The following CEP43 variants were observed in gnomAD, a reference collection of about 807,000 sequenced individuals.
The protein encoded by CEP43 is FGFR1 oncogene partner.
In CEP43, 36 loss-of-function variants were observed where a neutral mutation model predicts 52.6. That is an observed-to-expected ratio of 0.68 (90% CI 0.52 to 0.90). The LOEUF is 0.90. CEP43 is among the 40% of genes least tolerant of loss of function. The probability of loss-of-function intolerance (pLI) is 0.00; values close to 1 mark genes in which losing one functional copy is unlikely to be tolerated. For missense variants in CEP43, 506 were observed against 472.8 expected (o/e 1.07, Z -0.65); for synonymous variants, 192 against 172.4 (o/e 1.11, Z -0.89).
chr6:167,011,289 G>T (rs80244546), intron 6 of CEP43, among the ~76,000 whole-genome samples: 1 of 152,106 alleles, frequency 6.6e-6, no homozygotes, highest in Non-Finnish European at 1.5e-5. Flanking sequence ...TTCTAGATGG[G>T]TGATGAGATT....
At position 167,041,844 on chromosome 6, in the gene CEP43, G is replaced by GGGGGGCCC; in HGVS notation, c.*1866_*1867insGGGGGCCC. ...TCTTTTTTTTGCGGGGGGCGGGGGG[G>GGGGGGCCC]ACAGAGTCTCACTGTGTCACTCAGA... On this transcript the variant is annotated 3_prime_UTR_variant, in exon 13 of 13. Transcript: ENST00000366847. 1 of 144,932 alleles carries GGGGGGCCC rather than the reference G, an allele frequency of 6.9e-6. No individual in the cohort carries two copies. Among genetic ancestry groups the GGGGGGCCC allele is most frequent in the African/African-American group, 3.0e-5 (1 of 33,206 alleles). The allele number at this position is 144,932 out of a possible 1,614,324, so 9.0% of individuals were successfully genotyped here. A position where few individuals can be genotyped will look rare whatever the true frequency, so the allele number is the denominator to read the frequency against.
At chr6:167,019,656 T>C (rs970071869) in intron 7 of CEP43, among the ~76,000 whole-genome samples, 9 of 152,356 alleles carry the variant, frequency 5.9e-5, no homozygotes, top group Middle Eastern at 6.8e-3. Context: ...AATTCTGTTA[T>C]GTTTACAAGT....
rs1780826912 is a variant in CEP43 at position 167,048,221 on chromosome 6, C to T, written c.*8243C>T. On this transcript the variant is annotated 3_prime_UTR_variant, in exon 13 of 13. Coordinates refer to ENST00000366847, the MANE Select transcript of CEP43 (RefSeq NM_007045.4). ...TAGCCTGGGCAACATAGTAAGACCC[C>T]TATCTCTACAAAAAATATAAAAATT... is the stretch of plus-strand genomic sequence containing the variant. 6.6e-6 allele frequency: 1 copy of T among 152,172 alleles called. No individual in the cohort carries two copies. Among genetic ancestry groups the T allele is most frequent in the South Asian group, 2.1e-4 (1 of 4,830 alleles). The allele number at this position is 152,172 out of a possible 1,614,324, so 9.4% of individuals were successfully genotyped here.
At position 167,047,249 on chromosome 6, in the gene CEP43, A is replaced by T. The variant is rs911865215; in HGVS notation, c.*7271A>T. ...GAGGGAGGAGCACAGGCCACCCTAG[A>T]CAGGAGGGGTCCCCTACTGACAGGG... is the stretch of plus-strand genomic sequence containing the variant. On this transcript the variant is annotated 3_prime_UTR_variant, in exon 13 of 13. Transcript: ENST00000366847. 3 of 152,192 alleles carry T rather than the reference A, an allele frequency of 2.0e-5. No individual in the cohort carries two copies. The East Asian group carries it at 5.8e-4, about 29-fold the overall frequency. 9.4% of individuals were successfully genotyped at this position (152,192 alleles called of 1,614,324 possible).
chr6:167,035,996 A>G (rs1292693083), intron 12 of CEP43: 10 of 916,032 alleles, frequency 1.1e-5, no homozygotes, highest in Non-Finnish European at 1.3e-5. Flanking sequence ...AATAAATGGT[A>G]TCTAATACTA....
chr6:167,006,310 A>T (rs890211480), intron 5 of CEP43, among the ~76,000 whole-genome samples: 5 of 152,108 alleles, frequency 3.3e-5, no homozygotes, highest in Non-Finnish European at 7.4e-5. Context: ...AAGTCAAGAG[A>T]TGGAGACCAT....
At position 167,041,069 on chromosome 6, in the gene CEP43, A is replaced by T. The variant is rs1583296260; in HGVS notation, c.*1091A>T. ...CATATTTATATATAAGTAAAGCAGG[A>T]TTGTGCTGTTTTTGCACTTTATAAT... is the stretch of plus-strand genomic sequence containing the variant. On this transcript the variant is annotated 3_prime_UTR_variant, in exon 13 of 13. Coordinates refer to ENST00000366847, the MANE Select transcript of CEP43 (RefSeq NM_007045.4). The T allele has an allele frequency of 9.7e-7, 1 of 1,035,708 alleles. No individual in the cohort carries two copies. The highest frequency in any genetic ancestry group is 1.7e-5 in the African/African-American group (1 of 59,574). 64.2% of individuals were successfully genotyped at this position (1,035,708 alleles called of 1,614,324 possible). A position where few individuals can be genotyped will look rare whatever the true frequency, so the allele number is the denominator to read the frequency against.
At position 167,024,977 on chromosome 6, in the gene CEP43, T is replaced by C. The variant is rs192661051; in HGVS notation, c.919+83T>C. On this transcript the variant is annotated intron_variant, in intron 9 of 12. Coordinates refer to ENST00000366847, the MANE Select transcript of CEP43 (RefSeq NM_007045.4). ...CTATGTGATTATTGTTGATTTTTTT[T>C]CCCAGGAAAATCACTAAAATAACCT... 2.7e-3 allele frequency: 2,096 copies of C among 787,156 alleles called. 16 individuals are homozygous for C. The African/African-American group carries it at 0.029, about 11-fold the overall frequency. The allele number at this position is 787,156 out of a possible 1,614,324, so 48.8% of individuals were successfully genotyped here.
intron 3 of CEP43, chr6:167,003,489 A>C: frequency 1.9e-6 from 1 of 516,342 alleles, no homozygotes; most frequent in Non-Finnish European, 3.4e-6. Flanking sequence ...AAAGCGAAAC[A>C]CTGAAATCTA....
chr6:167,011,256 AATATT>A (rs141049863), intron 6 of CEP43, among the ~76,000 whole-genome samples: 2,869 of 152,318 alleles, frequency 0.019, 46 homozygotes, highest in East Asian at 0.091. Context: ...TATAGGATAT[AATATT>A]GAATGAATAT....
Position 167,010,867 on chromosome 6 carries a change from A to G in CEP43, c.493A>G (p.Thr165Ala). The G allele has an allele frequency of 1.2e-6, 2 of 1,600,466 alleles. No homozygotes were observed. The highest frequency in any genetic ancestry group is 1.1e-5 in the South Asian group (1 of 88,686). ...HSPPKSPEGK[T>A]SAQTTPSKIP... ...TCCACCAAAGTCACCAGAGGGAAAA[A>G]CAAGTGCACAGACAACACCAAGTAA... Residue 165 changes from threonine to alanine, a missense_variant, in exon 6 of 13, where the codon ACA becomes GCA. Physicochemically the swap from Thr to Ala is moderately conservative, Grantham distance 58. Transcript: ENST00000366847.
At position 167,041,897 on chromosome 6, in the gene CEP43, C is replaced by A; in HGVS notation, c.*1919C>A. The A allele has an allele frequency of 1.4e-6, 1 of 731,750 alleles. No individual in the cohort carries two copies. Among genetic ancestry groups the A allele is most frequent in the Non-Finnish European group, 1.7e-6 (1 of 591,224 alleles). The allele number at this position is 731,750 out of a possible 1,614,324, so 45.3% of individuals were successfully genotyped here. Reference sequence around the variant, plus strand: ...GGAGTACAGTGATGCGATCTCGGCTCACTGCAACCTCCGCCTCCTGGGTTC... The same window carrying A: ...GGAGTACAGTGATGCGATCTCGGCTAACTGCAACCTCCGCCTCCTGGGTTC... On this transcript the variant is annotated 3_prime_UTR_variant, in exon 13 of 13. Transcript: ENST00000366847.
chr6:167,000,194 T>A lies in CEP43; in HGVS notation c.156+81T>A, dbSNP rs565242711. On this transcript the variant is annotated intron_variant, in intron 2 of 12. Transcript: ENST00000366847. The stretch of plus-strand genomic sequence containing the variant: ...TCATTAAAAACCGTCTTAAAAATAG[T>A]TTATAGTAACATATAGCTAGGGATA... 7 of 1,118,574 alleles carry A rather than the reference T, an allele frequency of 6.3e-6. No individual in the cohort carries two copies. The East Asian group carries it at 1.7e-4, about 27-fold the overall frequency. The allele number at this position is 1,118,574 out of a possible 1,614,324, so 69.3% of individuals were successfully genotyped here. A position where few individuals can be genotyped will look rare whatever the true frequency, so the allele number is the denominator to read the frequency against.
At chr6:167,019,757 C>G (rs1046410178) in intron 7 of CEP43, among the ~76,000 whole-genome samples, 3 of 152,094 alleles carry the variant, frequency 2.0e-5, no homozygotes, top group Non-Finnish European at 4.4e-5. Flanking sequence ...TTGGTCAAAC[C>G]TGTCAAATAA....
At chr6:167,004,441 T>G (rs747089586) in intron 5 of CEP43, 40 bp downstream of exon 5, 1 of 1,546,144 alleles carries the variant, frequency 6.5e-7, no homozygotes, top group Non-Finnish European at 8.7e-7. Context: ...ATTTTAATTA[T>G]TGGCTGCTTA....
At chr6:167,021,194 AG>A (rs1164010082) in intron 7 of CEP43, among the ~76,000 whole-genome samples, 3 of 152,038 alleles carry the variant, frequency 2.0e-5, no homozygotes, top group African/African-American at 7.2e-5. Flanking sequence ...TGCTCTCTTT[AG>A]TATGCAAGGC....
intron 10 of CEP43, chr6:167,028,468 G>T (rs1255764266): frequency 2.0e-6 from 2 of 985,150 alleles, no homozygotes; most frequent in African/African-American, 3.5e-5. Flanking sequence ...TAGGCATTAG[G>T]ATTCAGTAGA....
rs901385638 is a variant in CEP43 at position 167,048,932 on chromosome 6, A to T, written c.*8954A>T. 1 of 152,240 alleles carries T rather than the reference A, an allele frequency of 6.6e-6. No homozygotes were observed. Among genetic ancestry groups the T allele is most frequent in the Non-Finnish European group, 1.5e-5 (1 of 68,042 alleles). 9.4% of individuals were successfully genotyped at this position (152,240 alleles called of 1,614,324 possible). A position where few individuals can be genotyped will look rare whatever the true frequency, so the allele number is the denominator to read the frequency against. ...AATTCTAGTACTTTCATGACATTTT[A>T]AAAAAGGGATTGTAAAGACTGATGA... On this transcript the variant is annotated 3_prime_UTR_variant, in exon 13 of 13. Coordinates refer to ENST00000366847, the MANE Select transcript of CEP43 (RefSeq NM_007045.4).
At chr6:167,008,860 G>A (rs1034817210) in intron 5 of CEP43, among the ~76,000 whole-genome samples, 1 of 152,176 alleles carries the variant, frequency 6.6e-6, no homozygotes, top group African/African-American at 2.4e-5. Context: ...GATTTGTGGA[G>A]GTTAGATTGG....
Sources: gnomAD v4.1 joint callset for allele counts (sites outside exome capture counted in the v4.1 genomes callset) on GRCh38, gnomAD v4.1.1 for gene constraint, MANE v1.5 for transcripts, NCBI Gene and HGNC (gene_info 2026-07-23, HGNC 2026-07-21) for gene names.